The following ANKRD44 variants were observed in gnomAD, a reference collection of about 807,000 sequenced individuals.
The protein encoded by ANKRD44 is ankyrin repeat domain 44, also known as serine/threonine-protein phosphatase 6 regulatory ankyrin repeat subunit B.
Under a neutral mutation model 116.0 loss-of-function variants are expected in ANKRD44, and 35 were observed. The ratio of observed to expected loss-of-function variants is 0.30; its 90% CI spans 0.23 to 0.40. The LOEUF (loss-of-function observed/expected upper bound fraction) is 0.40. Ranked by LOEUF, ANKRD44 falls within the 10% of genes least tolerant of loss-of-function variation. The pLI, the probability that ANKRD44 is intolerant of heterozygous loss-of-function variation, is 1.00. For missense variants in ANKRD44, 1,014 were observed against 1,242.6 expected, an observed-to-expected ratio of 0.82 and a Z score of 2.77; for synonymous variants, 435 against 461.8, an observed-to-expected ratio of 0.94 and a Z score of 0.74.
chr2:197,188,151 G>C (rs938445680), intron 1 of ANKRD44, among the ~76,000 whole-genome samples: 5 of 152,168 alleles, frequency 3.3e-5, no homozygotes, highest in African/African-American at 1.2e-4. Flanking sequence ...GGAAGAAGAG[G>C]GGGGTGTTAC....
chr2:197,248,489 G>A (rs960900853), intron 1 of ANKRD44, among the ~76,000 whole-genome samples: 14 of 150,834 alleles, frequency 9.3e-5, no homozygotes, highest in African/African-American at 2.2e-4. Flanking sequence ...TAGTTCCTCC[G>A]TGATCATGTA....
intron 4 of ANKRD44, among the ~76,000 whole-genome samples, chr2:197,133,630 A>G (rs746172404): frequency 1.3e-5 from 2 of 152,220 alleles, no homozygotes; most frequent in Non-Finnish European, 2.9e-5. Context: ...TTACCAATCT[A>G]AAGAACAGAC....
intron 21 of ANKRD44, among the ~76,000 whole-genome samples, chr2:196,979,961 C>T (rs1054976210): frequency 1.3e-5 from 2 of 152,190 alleles, no homozygotes; most frequent in Admixed American, 6.5e-5. Context: ...ATCCAGGACA[C>T]TCTCAGATCA....
chr2:197,102,996 A>G lies in ANKRD44; in HGVS notation c.986-3066T>C, dbSNP rs563227877. 5.9e-5 allele frequency among the ~76,000 whole-genome samples: 9 copies of G among 152,132 alleles called. No homozygotes were observed. The South Asian group carries it at 8.3e-4, about 14-fold the overall frequency. ...TGTAATCCCAGCACTCTGGGAGGCC[A>G]AGGTGGGCAGATCACAAGGTCAGGA... On this transcript the variant is annotated intron_variant, in intron 9 of 27. Coordinates refer to ENST00000282272, the MANE Select transcript of ANKRD44 (RefSeq NM_001195144.2).
intron 10 of ANKRD44, chr2:197,099,612 A>G: frequency 7.8e-7 from 1 of 1,279,524 alleles, no homozygotes. Flanking sequence ...CCTCATTTGG[A>G]TGAAGCTAAA....
intron 6 of ANKRD44, 85 bp downstream of exon 6, chr2:197,125,296 A>T: frequency 1.6e-6 from 2 of 1,286,652 alleles, no homozygotes; most frequent in South Asian, 1.2e-5. Flanking sequence ...GTCAGACTGG[A>T]GAAAACCTAC....
At chr2:197,258,729 C>T (rs1159621249) in intron 1 of ANKRD44, among the ~76,000 whole-genome samples, 2 of 152,198 alleles carry the variant, frequency 1.3e-5, no homozygotes, top group Non-Finnish European at 2.9e-5. Flanking sequence ...TCTTCAATTT[C>T]CCCACATCCT....
At chr2:197,190,117 G>A (rs1033394973) in intron 1 of ANKRD44, among the ~76,000 whole-genome samples, 2 of 152,154 alleles carry the variant, frequency 1.3e-5, no homozygotes, top group Non-Finnish European at 2.9e-5. Context: ...GGAAGAAGAG[G>A]CTGAGCTATC....
rs537202584 is a variant in ANKRD44 at position 197,214,695 on chromosome 2, T to G, written c.28-27589A>C. ...CTAAATGTGAAAACACACATTTACA[T>G]GAAATTGCATTTTAAATGGAATTTT... On this transcript the variant is annotated intron_variant, in intron 1 of 27. Transcript: ENST00000282272. Among the ~76,000 whole-genome samples, 5 of 152,314 alleles carry G rather than the reference T, an allele frequency of 3.3e-5. No homozygotes were observed. In the South Asian group the frequency reaches 1.0e-3, roughly 32 times the overall value.
intron 2 of ANKRD44, among the ~76,000 whole-genome samples, chr2:197,164,039 T>G (rs1016733678): frequency 1.3e-5 from 2 of 152,154 alleles, no homozygotes; most frequent in Non-Finnish European, 2.9e-5. Flanking sequence ...GTGGAGTCCT[T>G]ACTCTTCTCA....
chr2:197,150,608 A>T (rs1383465953), intron 2 of ANKRD44, among the ~76,000 whole-genome samples: 6 of 151,408 alleles, frequency 4.0e-5, no homozygotes, highest in Non-Finnish European at 8.8e-5. Context: ...TAGTCTAAAA[A>T]CCCTTCTACT....
Position 196,986,943 on chromosome 2 carries a change from T to C in ANKRD44, c.*2648A>G. On this transcript the variant is annotated 3_prime_UTR_variant, in exon 28 of 28. Transcript: ENST00000282272. ...CCCACTGAAATCATCAAACAATATT[T>C]TATGCTGTTACAAATATGTTATGCA... 1 of 985,438 alleles carries C rather than the reference T, an allele frequency of 1.0e-6. No individual in the cohort carries two copies. The highest frequency in any genetic ancestry group is 1.2e-6 in the Non-Finnish European group (1 of 829,902). 61.0% of individuals were successfully genotyped at this position (985,438 alleles called of 1,614,324 possible).
rs377652022 is a variant in ANKRD44 at position 197,001,785 on chromosome 2, G to A, written c.2403C>T (p.Ile801=). The A allele has an allele frequency of 7.2e-5, 116 of 1,613,274 alleles. No individual in the cohort carries two copies. The highest frequency in any genetic ancestry group is 9.2e-5 in the Non-Finnish European group (109 of 1,179,506). ...LLEQKCFRKF[I]GNPFTPLHCA... ...AGTGCAGTGGAGTAAAGGGATTACC[G>A]ATAAATTTGCGAAAACATTTTTGCT... The change falls in exon 22 of 28, where the codon ATC becomes ATT. Residue 801 remains isoleucine, a synonymous_variant. Transcript: ENST00000282272.
intron 16 of ANKRD44, among the ~76,000 whole-genome samples, chr2:197,074,672 T>C (rs1013768897): frequency 6.6e-6 from 1 of 152,086 alleles, no homozygotes; most frequent in African/African-American, 2.4e-5. Flanking sequence ...AGAGACAAGG[T>C]CTTGCTATGT....
chr2:197,309,681 G>C (rs2084183392), intron 1 of ANKRD44, among the ~76,000 whole-genome samples: 1 of 152,190 alleles, frequency 6.6e-6, no homozygotes, highest in African/African-American at 2.4e-5. Flanking sequence ...CGGGGGTGGG[G>C]GTAGCAAGCC....
At chr2:197,308,466 C>CAA in intron 1 of ANKRD44, among the ~76,000 whole-genome samples, 1 of 152,166 alleles carries the variant, frequency 6.6e-6, no homozygotes, top group East Asian at 1.9e-4. Flanking sequence ...TACACAGAAA[C>CAA]CATCGTTGTT....
At chr2:197,067,270 T>C (rs1009232415) in intron 16 of ANKRD44, among the ~76,000 whole-genome samples, 1 of 151,988 alleles carries the variant, frequency 6.6e-6, no homozygotes, top group Non-Finnish European at 1.5e-5. Context: ...TTACATCTTA[T>C]ACAAAAATTA....
At chr2:197,021,467 T>A (rs932064042) in intron 17 of ANKRD44, among the ~76,000 whole-genome samples, 2 of 152,184 alleles carry the variant, frequency 1.3e-5, no homozygotes, top group African/African-American at 4.8e-5. Context: ...CACCTGCTGT[T>A]TCCTGACTTT....
chr2:197,031,289 T>C (rs532952709), intron 16 of ANKRD44, among the ~76,000 whole-genome samples: 1 of 152,198 alleles, frequency 6.6e-6, no homozygotes, highest in South Asian at 2.1e-4. Flanking sequence ...TTATAGAAGA[T>C]TTTTATTTTC....
Sources: allele counts gnomAD v4.1 joint callset (sites outside exome capture counted in the v4.1 genomes callset), GRCh38; gene constraint gnomAD v4.1.1; transcripts MANE v1.5; gene names NCBI Gene and HGNC (gene_info 2026-07-23, HGNC 2026-07-21).